MYO10: variants seen among roughly 807,000 people sequenced by gnomAD.
MYO10 encodes the protein unconventional myosin-X.
MYO10 carries 133 observed loss-of-function variants against 257.3 expected under a neutral mutation model. That is an observed-to-expected ratio of 0.52 (90% CI 0.45 to 0.60). MYO10 has a LOEUF of 0.60. MYO10 is among the 20% of genes least tolerant of loss of function. The probability of loss-of-function intolerance (pLI) is 0.00; values close to 1 mark genes in which losing one functional copy is unlikely to be tolerated. For missense variants in MYO10, 2,399 were observed against 2,635.7 expected (o/e 0.91, Z 1.97); for synonymous variants, 1,104 against 1,028.6 (o/e 1.07, Z -1.40).
chr5:16,883,449 G>A (rs752843702), intron 1 of MYO10, among the ~76,000 whole-genome samples: 2 of 152,166 alleles, frequency 1.3e-5, no homozygotes, highest in Non-Finnish European at 2.9e-5. Flanking sequence ...AGACCACGCA[G>A]GAGACTTGCC....
intron 17 of MYO10, among the ~76,000 whole-genome samples, chr5:16,759,230 A>G (rs1035407241): frequency 1.3e-5 from 2 of 152,116 alleles, no homozygotes; most frequent in Non-Finnish European, 2.9e-5. Context: ...CCCAGCCTTC[A>G]ATGATTTTTA....
intron 2 of MYO10, among the ~76,000 whole-genome samples, chr5:16,823,315 C>T (rs1389778589): frequency 2.0e-5 from 3 of 147,778 alleles, no homozygotes; most frequent in South Asian, 4.6e-4. Flanking sequence ...CATGGTGGCA[C>T]GTGACGGTAA....
intron 21 of MYO10, among the ~76,000 whole-genome samples, chr5:16,709,070 C>T (rs749571363): frequency 1.3e-5 from 2 of 152,140 alleles, no homozygotes; most frequent in Non-Finnish European, 2.9e-5. Flanking sequence ...ACTGGGTGAT[C>T]GTAGAGAAGC....
intron 2 of MYO10, among the ~76,000 whole-genome samples, chr5:16,848,155 C>CTTTTTTTTTTTTTTTTTT (rs371042891): frequency 8.8e-5 from 10 of 113,560 alleles, no homozygotes; most frequent in African/African-American, 1.9e-4. Flanking sequence ...CTACACATTT[C>CTTTTTTTTTTTTTTTTTT]TTTTTTTTTT....
At chr5:16,747,259 C>T (rs912070424) in intron 19 of MYO10, among the ~76,000 whole-genome samples, 1 of 152,092 alleles carries the variant, frequency 6.6e-6, no homozygotes, top group Non-Finnish European at 1.5e-5. Flanking sequence ...GACCTACTGG[C>T]GATGCCCGGG....
At chr5:16,774,582 C>T (rs773269973) in intron 9 of MYO10, among the ~76,000 whole-genome samples, 1 of 151,782 alleles carries the variant, frequency 6.6e-6, no homozygotes, top group African/African-American at 2.4e-5. Flanking sequence ...CCACCACACC[C>T]GGCTAATTTT....
chr5:16,887,130 G>A (rs918202049), intron 1 of MYO10, among the ~76,000 whole-genome samples: 5 of 152,078 alleles, frequency 3.3e-5, no homozygotes, highest in African/African-American at 1.2e-4. Flanking sequence ...TAGTGCACCG[G>A]ATGGGAAGGA....
chr5:16,901,410 G>A (rs1460114378), intron 1 of MYO10, among the ~76,000 whole-genome samples: 1 of 152,134 alleles, frequency 6.6e-6, no homozygotes, highest in Non-Finnish European at 1.5e-5. Flanking sequence ...AAGAAGGCAG[G>A]AAGGAGGATT....
At chr5:16,913,526 T>C (rs571806512) in intron 1 of MYO10, among the ~76,000 whole-genome samples, 20 of 152,314 alleles carry the variant, frequency 1.3e-4, no homozygotes, top group Middle Eastern at 3.4e-3. Flanking sequence ...GAAGTCACTT[T>C]TGCAAAACTG....
chr5:16,733,402 T>C (rs192966259), intron 19 of MYO10, among the ~76,000 whole-genome samples: 1 of 152,196 alleles, frequency 6.6e-6, no homozygotes, highest in East Asian at 1.9e-4. Context: ...ATAATAGATA[T>C]AGCTGATTTA....
intron 19 of MYO10, among the ~76,000 whole-genome samples, chr5:16,720,010 GTGTGTGTGTGTGTATA>G (rs1739083915): frequency 6.7e-6 from 1 of 150,128 alleles, no homozygotes; most frequent in African/African-American, 2.5e-5. Context: ...GTGTGTGTGT[GTGTGTGTGTGTGTATA>G]TGTATGTATG....
intron 10 of MYO10, among the ~76,000 whole-genome samples, chr5:16,766,759 C>T (rs1318211009): frequency 6.6e-6 from 1 of 150,724 alleles, no homozygotes. Context: ...GCCACCATGC[C>T]CACCTACTTT....
At chr5:16,911,424 C>T (rs570391054) in intron 1 of MYO10, among the ~76,000 whole-genome samples, 1 of 152,110 alleles carries the variant, frequency 6.6e-6, no homozygotes, top group African/African-American at 2.4e-5. Context: ...CAAATTTGTA[C>T]ATTTTCTTAA....
chr5:16,791,563 T>TACACACACACACACAC (rs58464460), intron 4 of MYO10, among the ~76,000 whole-genome samples: 19,042 of 151,012 alleles, frequency 0.13, 1,371 homozygotes, highest in South Asian at 0.27. Context: ...CACACACACA[T>TACACACACACACACAC]ACACATATGC....
chr5:16,804,169 C>T (rs1354425091), intron 3 of MYO10, among the ~76,000 whole-genome samples: 2 of 152,212 alleles, frequency 1.3e-5, no homozygotes, highest in African/African-American at 4.8e-5. Flanking sequence ...CTCATCACCT[C>T]ATCACCATGG....
At chr5:16,773,833 A>C (rs1741133109) in intron 9 of MYO10, among the ~76,000 whole-genome samples, 1 of 152,102 alleles carries the variant, frequency 6.6e-6, no homozygotes, top group African/African-American at 2.4e-5. Flanking sequence ...TATATTAATA[A>C]ATTTGTGGAC....
intron 1 of MYO10, among the ~76,000 whole-genome samples, chr5:16,893,358 G>C (rs1212344990): frequency 6.6e-6 from 1 of 151,958 alleles, no homozygotes; most frequent in Admixed American, 6.6e-5. Flanking sequence ...CTCCTGCTGG[G>C]CACCATGGCT....
At chr5:16,729,651 A>G (rs1346448510) in intron 19 of MYO10, among the ~76,000 whole-genome samples, 1 of 152,026 alleles carries the variant, frequency 6.6e-6, no homozygotes, top group African/African-American at 2.4e-5. Context: ...TCACCGTGTT[A>G]GCCAGAATGG....
chr5:16,732,673 T>C (rs1739632018), intron 19 of MYO10, among the ~76,000 whole-genome samples: 2 of 152,178 alleles, frequency 1.3e-5, no homozygotes, highest in Admixed American at 6.5e-5. Context: ...ACTAAGGTTA[T>C]GTCCACGCAG....
Sources: gnomAD v4.1 joint callset for allele counts (sites outside exome capture counted in the v4.1 genomes callset) on GRCh38, gnomAD v4.1.1 for gene constraint, MANE v1.5 for transcripts, NCBI Gene and HGNC (gene_info 2026-07-23, HGNC 2026-07-21) for gene names.